Variants in PGR observed in about 807,000 individuals in gnomAD.
The protein encoded by PGR is progesterone receptor, also known as nuclear receptor subfamily 3 group C member 3.
A neutral mutation model predicts 76.1 loss-of-function variants in PGR; 25 were observed. The observed-to-expected ratio is 0.33, with a 90% confidence interval of 0.24 to 0.46. The LOEUF is 0.46. PGR is among the 20% of genes least tolerant of loss of function. The pLI is 1.00. For synonymous variants in PGR, 579 were observed against 535.0 expected, an observed-to-expected ratio of 1.08 and a Z score of -1.14; for missense variants, 1,172 against 1,225.3, an observed-to-expected ratio of 0.96 and a Z score of 0.65.
intron 2 of PGR, 149 bp downstream of exon 2, chr11:101,125,856 CAT>C (rs2135510034): frequency 1.4e-6 from 1 of 733,116 alleles, no homozygotes; most frequent in South Asian, 1.8e-5. Context: ...TAAATAAAAA[CAT>C]ATTGTTAAAA....
At chr11:101,057,393 T>C (rs1860333017) in intron 4 of PGR, among the ~76,000 whole-genome samples, 1 of 152,042 alleles carries the variant, frequency 6.6e-6, no homozygotes, top group Admixed American at 6.6e-5. Context: ...TGAAGAGGAA[T>C]GATGAGAGAT....
chr11:101,062,401 CATAGT>C (rs769095805), intron 4 of PGR, 41 bp downstream of exon 4: 6 of 1,382,826 alleles, frequency 4.3e-6, no homozygotes, highest in Non-Finnish European at 6.2e-6. Flanking sequence ...ATACAACAAA[CATAGT>C]ATATTTTTTA....
rs1253506015 is a variant in PGR at position 101,062,341 on chromosome 11, T to C, written c.2212+106A>G. On this transcript the variant is annotated intron_variant, in intron 4 of 7. Transcript: ENST00000325455. ...AAACACATACTATCACATACTGTTTTATATTGTAGTTAATTTACTGCATAG... is the reference window on the plus strand; with the variant it reads ...AAACACATACTATCACATACTGTTTCATATTGTAGTTAATTTACTGCATAG... The C allele has an allele frequency of 1.3e-5, 11 of 851,798 alleles. No individual in the cohort carries two copies. In the East Asian group the frequency reaches 2.9e-4, roughly 23 times the overall value. The allele number at this position is 851,798 out of a possible 1,614,324, so 52.8% of individuals were successfully genotyped here.
intron 2 of PGR, among the ~76,000 whole-genome samples, chr11:101,112,152 G>A (rs1217446194): frequency 3.3e-5 from 5 of 152,208 alleles, no homozygotes; most frequent in African/African-American, 1.2e-4. Flanking sequence ...AGTGACAGAG[G>A]TCAACAACTG....
At chr11:101,087,503 A>G (rs1375341887) in intron 3 of PGR, among the ~76,000 whole-genome samples, 1 of 152,218 alleles carries the variant, frequency 6.6e-6, no homozygotes, top group African/African-American at 2.4e-5. Context: ...AGGAAATATG[A>G]TTCTGGATAT....
chr11:101,101,698 T>C lies in PGR; in HGVS notation c.1790-9822A>G, dbSNP rs12292073. ...AGATCCAGATATGAGAATCCAGCTG[T>C]CTTCTATTAAGATAGACATTAAAAT... On this transcript the variant is annotated intron_variant, in intron 2 of 7. Transcript: ENST00000325455. Among the ~76,000 whole-genome samples, 1,365 of 152,340 alleles carry C rather than the reference T, an allele frequency of 9.0e-3. 16 individuals carry two copies. The highest frequency in any genetic ancestry group is 0.032 in the African/African-American group (1,310 of 41,568).
intron 2 of PGR, among the ~76,000 whole-genome samples, chr11:101,110,965 C>A (rs1862324451): frequency 6.6e-6 from 1 of 152,278 alleles, no homozygotes; most frequent in South Asian, 2.1e-4. Flanking sequence ...AAAGTATTTT[C>A]AATCAGGGTA....
chr11:101,045,741 A>G (rs1375273328), intron 6 of PGR, among the ~76,000 whole-genome samples: 1 of 151,462 alleles, frequency 6.6e-6, no homozygotes, highest in Non-Finnish European at 1.5e-5. Context: ...TTATCCTATT[A>G]TCTGTTGATA....
chr11:101,103,352 A>G (rs1862054100), intron 2 of PGR, among the ~76,000 whole-genome samples: 1 of 152,088 alleles, frequency 6.6e-6, no homozygotes, highest in East Asian at 1.9e-4. Context: ...ACCACTGGGC[A>G]CTGAACACCA....
intron 2 of PGR, among the ~76,000 whole-genome samples, chr11:101,103,257 G>A (rs949295430): frequency 8.5e-5 from 13 of 152,090 alleles, no homozygotes; most frequent in African/African-American, 1.9e-4. Flanking sequence ...AATAAAGTGC[G>A]TGGAAATTCC....
intron 4 of PGR, among the ~76,000 whole-genome samples, chr11:101,057,511 T>A (rs1201933163): frequency 6.6e-6 from 1 of 152,088 alleles, no homozygotes; most frequent in East Asian, 1.9e-4. Context: ...TGATTAAAAT[T>A]GTTTTAGAAA....
At chr11:101,051,272 G>A in intron 5 of PGR, 152 bp downstream of exon 5, 1 of 598,432 alleles carries the variant, frequency 1.7e-6, no homozygotes, top group South Asian at 2.4e-5. Context: ...TGAAACAAGA[G>A]GAAAAAGCTC....
In PGR at chr11:101,127,931, G is replaced by C. The variant is rs1441662508; in HGVS notation, c.1140C>G (p.Phe380Leu). ...CCTTTATCTTTAGAGCGGGCGGCTG[G>C]AAGTCGCTATAGAGAGGGTACGCGT... ...KDDAYPLYSD[F>L]QPPALKIKEE... The change falls in exon 1 of 8, where the codon TTC becomes TTG. Residue 380 changes from phenylalanine to leucine, a missense_variant. Around this residue, in one of 4 missense-constraint regions of PGR, gnomAD observed 893 missense variants for 785.9 expected, o/e 1.14. Coordinates refer to ENST00000325455, the MANE Select transcript of PGR (RefSeq NM_000926.4). 6.2e-7 allele frequency: 1 copy of C among 1,611,842 alleles called. No individual in the cohort carries two copies. The highest frequency in any genetic ancestry group is 8.5e-7 in the Non-Finnish European group (1 of 1,179,822).
intron 3 of PGR, among the ~76,000 whole-genome samples, chr11:101,086,362 C>T (rs958531668): frequency 9.2e-5 from 14 of 152,126 alleles, no homozygotes; most frequent in African/African-American, 2.9e-4. Context: ...TCAATAGACA[C>T]AGAAACAGCT....
intron 2 of PGR, among the ~76,000 whole-genome samples, chr11:101,105,122 T>C (rs1030342055): frequency 2.6e-5 from 4 of 151,796 alleles, no homozygotes; most frequent in African/African-American, 9.7e-5. Flanking sequence ...GGGAGAAGAG[T>C]AGTAGATAGT....
chr11:101,088,453 T>C (rs1861567221), intron 3 of PGR, among the ~76,000 whole-genome samples: 1 of 152,122 alleles, frequency 6.6e-6, no homozygotes, highest in Non-Finnish European at 1.5e-5. Context: ...TGCCTCAGCC[T>C]CCCAAGTAGG....
At chr11:101,063,387 C>G (rs11571213) in intron 3 of PGR, 1 of 152,204 alleles carries the variant, frequency 6.6e-6, no homozygotes, top group South Asian at 2.1e-4. Context: ...AGTTTATACC[C>G]GTGCTGGTCA....
intron 2 of PGR, among the ~76,000 whole-genome samples, chr11:101,121,451 G>A (rs1862672711): frequency 6.6e-6 from 1 of 152,138 alleles, no homozygotes; most frequent in Non-Finnish European, 1.5e-5. Flanking sequence ...GGAGAACTAT[G>A]CTACCAAACC....
At position 101,049,379 on chromosome 11, in the gene PGR, C is replaced by T. The variant is rs11571243; in HGVS notation, c.2488+550G>A. On this transcript the variant is annotated intron_variant, in intron 6 of 7. Transcript: ENST00000325455. Reference sequence around the variant, plus strand: ...ATAGAAAAGTATACTACAGTAAATACATAAACCAGTAAGAGTTTTTTATTA... The same window carrying T: ...ATAGAAAAGTATACTACAGTAAATATATAAACCAGTAAGAGTTTTTTATTA... Among the ~76,000 whole-genome samples the T allele has an allele frequency of 8.1e-3, 1,239 of 152,258 alleles. 11 individuals are homozygous for T. Among genetic ancestry groups the T allele is most frequent in the African/African-American group, 0.029 (1,205 of 41,538 alleles).
Sources: gnomAD v4.1 joint callset for allele counts (sites outside exome capture counted in the v4.1 genomes callset) on GRCh38, gnomAD v4.1.1 for gene constraint, gnomAD v4.1.1 regional missense constraint, MANE v1.5 for transcripts, NCBI Gene and HGNC (gene_info 2026-07-23, HGNC 2026-07-21) for gene names.